Variants in SBF2 observed in about 807,000 individuals in gnomAD.
SBF2 encodes myotubularin-related protein 13.
SBF2 carries 112 observed loss-of-function variants against 225.2 expected under a neutral mutation model. The observed-to-expected ratio is 0.50, with a 90% CI of 0.43 to 0.58. The LOEUF is 0.58. Ranked by LOEUF, SBF2 falls within the 20% of genes least tolerant of loss-of-function variation. The probability of loss-of-function intolerance (pLI) is 0.00; values close to 1 mark genes in which losing one functional copy is unlikely to be tolerated. For synonymous variants in SBF2, 763 were observed against 773.3 expected (o/e 0.99, Z 0.22); for missense variants, 1,996 against 2,206.2 (o/e 0.90, Z 1.91).
upstream of SBF2, among the ~76,000 whole-genome samples, chr11:10,298,197 C>T (rs1964565751): frequency 2.0e-5 from 3 of 152,168 alleles, no homozygotes; most frequent in African/African-American, 7.2e-5. Context: ...TCAAGACCAG[C>T]CTGACCAACA....
At chr11:9,845,836 C>T in intron 23 of SBF2, 96 bp from the exon 24 acceptor site, 1 of 1,148,802 alleles carries the variant, frequency 8.7e-7, no homozygotes, top group Non-Finnish European at 1.3e-6. Context: ...AATGGCAAGA[C>T]TGGAGGTCAA....
intron 36 of SBF2, among the ~76,000 whole-genome samples, chr11:9,786,432 G>A (rs1339935586): frequency 1.3e-5 from 2 of 152,080 alleles, no homozygotes; most frequent in Non-Finnish European, 2.9e-5. Context: ...TAACAAAAAA[G>A]CATTAAGGCA....
intron 2 of SBF2, among the ~76,000 whole-genome samples, chr11:10,158,357 A>G (rs999082116): frequency 3.3e-5 from 5 of 152,132 alleles, no homozygotes; most frequent in Non-Finnish European, 5.9e-5. Context: ...TGAAATATAA[A>G]CAAGGAAAGC....
At chr11:9,833,634 A>C (rs1442369823) in intron 26 of SBF2, among the ~76,000 whole-genome samples, 1 of 151,854 alleles carries the variant, frequency 6.6e-6, no homozygotes, top group Admixed American at 6.6e-5. Context: ...GTTAGCCAGG[A>C]TGGTCTCGAT....
At chr11:10,156,585 T>C (rs1039166915) in intron 2 of SBF2, among the ~76,000 whole-genome samples, 3 of 152,232 alleles carry the variant, frequency 2.0e-5, no homozygotes, top group African/African-American at 7.2e-5. Context: ...GCCAGCCAGA[T>C]GGTGCTTTTT....
At chr11:9,828,384 A>G (rs1855188404) in intron 28 of SBF2, 11 of 985,496 alleles carry the variant, frequency 1.1e-5, no homozygotes, top group Non-Finnish European at 1.3e-5. Context: ...GTTATTATTA[A>G]TCAGAGATAA....
At position 9,809,053 on chromosome 11, in the gene SBF2, G is replaced by C. The variant is rs151111508; in HGVS notation, c.4156-51C>G. 5.2e-3 allele frequency: 7,128 copies of C among 1,367,854 alleles called. 31 individuals carry two copies. Among genetic ancestry groups the C allele is most frequent in the Middle Eastern group, 6.6e-3 (37 of 5,640 alleles). 84.7% of individuals were successfully genotyped at this position (1,367,854 alleles called of 1,614,324 possible). A position where few individuals can be genotyped will look rare whatever the true frequency, so the allele number is the denominator to read the frequency against. ...TTAGACCAAGCGCTTTCTGAGTGCA[G>C]AAGTCAGAGAGAGTTGCTTTCAACC... On this transcript the variant is annotated intron_variant, in intron 30 of 39. Transcript: ENST00000256190.
intron 2 of SBF2, among the ~76,000 whole-genome samples, chr11:10,088,026 T>C (rs1051363755): frequency 2.9e-5 from 4 of 138,500 alleles, no homozygotes; most frequent in African/African-American, 1.2e-4. Context: ...CAAACTTTAA[T>C]TTTTTTTTTT....
intron 26 of SBF2, chr11:9,838,983 C>T (rs987118644): frequency 5.7e-6 from 1 of 174,858 alleles, no homozygotes; most frequent in African/African-American, 2.4e-5. Context: ...CTTGCCTACA[C>T]CTGGGTCAGC....
intron 17 of SBF2, among the ~76,000 whole-genome samples, chr11:9,889,073 G>A (rs1023944525): frequency 6.6e-6 from 1 of 152,194 alleles, no homozygotes; most frequent in African/African-American, 2.4e-5. Context: ...GAAAAACACA[G>A]ATTTTACTTT....
At chr11:9,845,950 T>G (rs188026174) in intron 23 of SBF2, among the ~76,000 whole-genome samples, 1 of 152,234 alleles carries the variant, frequency 6.6e-6, no homozygotes, top group Non-Finnish European at 1.5e-5. Flanking sequence ...AGGAAAATCA[T>G]GTATCTTCAA....
chr11:10,125,108 C>A (rs1386853228), intron 2 of SBF2, among the ~76,000 whole-genome samples: 1,163 of 101,770 alleles, frequency 0.011, no homozygotes, highest in Middle Eastern at 0.02. Context: ...GACTGTGTCT[C>A]AAAAAAAAAA....
At chr11:9,804,079 A>G (rs1853648410) in intron 32 of SBF2, among the ~76,000 whole-genome samples, 1 of 152,146 alleles carries the variant, frequency 6.6e-6, no homozygotes, top group Non-Finnish European at 1.5e-5. Context: ...TTCCCACCCC[A>G]TGTAGTCATA....
At chr11:10,231,281 T>C (rs996126456) in intron 1 of SBF2, among the ~76,000 whole-genome samples, 4 of 152,158 alleles carry the variant, frequency 2.6e-5, no homozygotes, top group Non-Finnish European at 5.9e-5. Context: ...TCGGAGCAGT[T>C]TGATCTTCTG....
intron 2 of SBF2, among the ~76,000 whole-genome samples, chr11:10,159,535 G>A (rs146435417): frequency 0.076 from 11,540 of 152,068 alleles, 613 homozygotes; most frequent in East Asian, 0.28. Flanking sequence ...AGACAGCTTC[G>A]ACTCCCTATG....
At chr11:9,938,087 C>G (rs550814591) in intron 16 of SBF2, among the ~76,000 whole-genome samples, 74 of 152,060 alleles carry the variant, frequency 4.9e-4, no homozygotes, top group African/African-American at 1.5e-3. Flanking sequence ...GTCAGGAGAT[C>G]GAGACCATCC....
intron 1 of SBF2, among the ~76,000 whole-genome samples, chr11:10,209,194 G>A (rs1957846853): frequency 6.6e-6 from 1 of 152,128 alleles, no homozygotes; most frequent in East Asian, 1.9e-4. Flanking sequence ...AGCAACCTGT[G>A]CCTTCAAAAT....
chr11:9,857,986 A>C (rs1334577986), intron 18 of SBF2, among the ~76,000 whole-genome samples: 1 of 152,198 alleles, frequency 6.6e-6, no homozygotes, highest in East Asian at 1.9e-4. Flanking sequence ...ATTTCCAGGA[A>C]ATTCTTATTT....
At chr11:9,916,089 A>C (rs1043823554) in intron 16 of SBF2, among the ~76,000 whole-genome samples, 2 of 152,078 alleles carry the variant, frequency 1.3e-5, no homozygotes, top group Non-Finnish European at 2.9e-5. Context: ...AAAAAAACCA[A>C]ATAGTAATTT....
Sources: allele counts gnomAD v4.1 joint callset (sites outside exome capture counted in the v4.1 genomes callset), GRCh38; gene constraint gnomAD v4.1.1; transcripts MANE v1.5; gene names NCBI Gene and HGNC (gene_info 2026-07-23, HGNC 2026-07-21).